The following OXR1 variants were observed in gnomAD, a reference collection of about 807,000 sequenced individuals.
The protein encoded by OXR1 is oxidation resistance 1, also known as oxidation resistance protein 1.
A neutral mutation model predicts 104.6 loss-of-function variants in OXR1; 41 were observed. That is an observed-to-expected ratio of 0.39 (90% CI 0.31 to 0.51). OXR1 has a LOEUF of 0.51. Among genes scored for constraint, OXR1 ranks in the 20% least tolerant of loss-of-function variants. OXR1 has a pLI of 0.77. For missense variants in OXR1, 955 were observed against 1,031.9 expected (o/e 0.93, Z 1.02); for synonymous variants, 348 against 348.4 (o/e 1.00, Z 0.01).
intron 7 of OXR1, among the ~76,000 whole-genome samples, chr8:106,695,828 T>G (rs1358532003): frequency 6.6e-6 from 1 of 152,194 alleles, no homozygotes; most frequent in African/African-American, 2.4e-5. Context: ...TTTTAATTAA[T>G]ATACTTTCAT....
At chr8:106,369,731 T>C (rs932851739) in intron 2 of OXR1, among the ~76,000 whole-genome samples, 3 of 152,094 alleles carry the variant, frequency 2.0e-5, no homozygotes, top group Admixed American at 2.0e-4. Context: ...ATTTCTGAAG[T>C]CTCTGTTCTG....
intron 2 of OXR1, among the ~76,000 whole-genome samples, chr8:106,391,184 T>G (rs765112499): frequency 1.3e-4 from 20 of 152,336 alleles, no homozygotes; most frequent in Non-Finnish European, 2.8e-4. Context: ...TGATAATTAT[T>G]GAATCATGAG....
intron 3 of OXR1, among the ~76,000 whole-genome samples, chr8:106,520,109 G>A (rs1348603398): frequency 6.6e-6 from 1 of 152,140 alleles, no homozygotes; most frequent in Non-Finnish European, 1.5e-5. Context: ...GGCTTAATGG[G>A]TTAACCAGTG....
chr8:106,581,592 G>A (rs1408328704), intron 3 of OXR1, among the ~76,000 whole-genome samples: 1 of 151,888 alleles, frequency 6.6e-6, no homozygotes, highest in Non-Finnish European at 1.5e-5. Flanking sequence ...ATTCATAGAA[G>A]CTTCTAGAAG....
chr8:106,697,729 T>G (rs1830193115), intron 7 of OXR1: 1 of 1,614,040 alleles, frequency 6.2e-7, no homozygotes, highest in East Asian at 2.2e-5. Context: ...TTGCAGGAAC[T>G]GAGAGATCTT....
intron 16 of OXR1, 79 bp downstream of exon 16, chr8:106,745,941 T>C (rs2131594751): frequency 2.5e-6 from 2 of 801,638 alleles, no homozygotes; most frequent in Non-Finnish European, 4.2e-6. Flanking sequence ...AATTCAGTTG[T>C]CTTTAGAAAG....
At chr8:106,486,135 A>T (rs961757599) in intron 2 of OXR1, among the ~76,000 whole-genome samples, 7 of 152,118 alleles carry the variant, frequency 4.6e-5, no homozygotes, top group African/African-American at 1.7e-4. Flanking sequence ...AAATCACGAG[A>T]TATGTGAAGT....
At chr8:106,440,338 A>G (rs1044912438) in intron 2 of OXR1, among the ~76,000 whole-genome samples, 3 of 152,128 alleles carry the variant, frequency 2.0e-5, no homozygotes, top group Non-Finnish European at 2.9e-5. Flanking sequence ...TTTGTCCTCA[A>G]TCCTCATGTC....
At chr8:106,442,549 C>CT (rs1398048801) in intron 2 of OXR1, among the ~76,000 whole-genome samples, 1 of 151,646 alleles carries the variant, frequency 6.6e-6, no homozygotes, top group Admixed American at 6.6e-5. Flanking sequence ...TGGTCCTGGG[C>CT]TTTTTTTTCG....
intron 3 of OXR1, among the ~76,000 whole-genome samples, chr8:106,538,924 T>A (rs1379454170): frequency 1.3e-5 from 2 of 152,156 alleles, no homozygotes; most frequent in Non-Finnish European, 2.9e-5. Context: ...ATGCCGTAGG[T>A]TTTTTACATC....
chr8:106,707,320 C>A, intron 9 of OXR1, 175 bp downstream of exon 9: 1 of 681,888 alleles, frequency 1.5e-6, no homozygotes, highest in East Asian at 2.7e-5. Flanking sequence ...ACTGTCTTTT[C>A]TTATCCCACA....
intron 1 of OXR1, among the ~76,000 whole-genome samples, chr8:106,303,873 G>A (rs1233686425): frequency 3.9e-5 from 6 of 151,962 alleles, no homozygotes; most frequent in South Asian, 4.2e-4. Flanking sequence ...GTAATTTTTC[G>A]CTTAAGACAA....
At chr8:106,316,724 CT>C (rs771196323) in intron 1 of OXR1, among the ~76,000 whole-genome samples, 3,000 of 41,782 alleles carry the variant, frequency 0.072, 36 homozygotes, top group African/African-American at 0.098. Flanking sequence ...TATCATCTAT[CT>C]ATCTATCTAT....
At chr8:106,427,605 C>T (rs201747784) in intron 2 of OXR1, among the ~76,000 whole-genome samples, 1 of 152,122 alleles carries the variant, frequency 6.6e-6, no homozygotes, top group African/African-American at 2.4e-5. Context: ...TGGCTGTTTT[C>T]CCTCTCTTCC....
At chr8:106,536,407 C>G (rs1050526377) in intron 3 of OXR1, among the ~76,000 whole-genome samples, 2 of 151,768 alleles carry the variant, frequency 1.3e-5, no homozygotes, top group Non-Finnish European at 2.9e-5. Flanking sequence ...TTTGCAGTCT[C>G]CCTAACATCA....
chr8:106,646,746 C>T (rs867479818), intron 3 of OXR1, among the ~76,000 whole-genome samples: 1 of 152,178 alleles, frequency 6.6e-6, no homozygotes, highest in Non-Finnish European at 1.5e-5. Flanking sequence ...TCTACTGCAA[C>T]CTCAAAGAAA....
chr8:106,718,006 A>T (rs10101102), intron 11 of OXR1, among the ~76,000 whole-genome samples: 1 of 152,170 alleles, frequency 6.6e-6, no homozygotes, highest in Admixed American at 6.5e-5. Flanking sequence ...TTAAGGAAAC[A>T]TATCTTTGTA....
chr8:106,434,282 TC>T (rs1231538591), intron 2 of OXR1, among the ~76,000 whole-genome samples: 1 of 152,200 alleles, frequency 6.6e-6, no homozygotes, highest in Non-Finnish European at 1.5e-5. Context: ...ACACTACTCT[TC>T]CACTAAATCA....
intron 3 of OXR1, among the ~76,000 whole-genome samples, chr8:106,524,763 A>T (rs1563580189): frequency 6.6e-6 from 1 of 152,262 alleles, no homozygotes; most frequent in East Asian, 1.9e-4. Flanking sequence ...TGCCATAGAG[A>T]TGGGAGAGAG....
Sources: gnomAD v4.1 joint callset for allele counts (sites outside exome capture counted in the v4.1 genomes callset) on GRCh38, gnomAD v4.1.1 for gene constraint, MANE v1.5 for transcripts, NCBI Gene and HGNC (gene_info 2026-07-23, HGNC 2026-07-21) for gene names.